Variants in DCC observed in about 807,000 individuals in gnomAD.
DCC encodes DCC netrin 1 receptor.
In DCC, 58 loss-of-function variants were observed where a neutral mutation model predicts 172.5. That is an observed-to-expected ratio of 0.34 (90% confidence interval 0.27 to 0.42). DCC has a LOEUF of 0.42. Among genes scored for constraint, DCC ranks in the 10% least tolerant of loss-of-function variants. The pLI is 1.00. For missense variants in DCC, 1,740 were observed against 1,791.0 expected (o/e 0.97, Z 0.51); for synonymous variants, 709 against 644.5 (o/e 1.10, Z -1.52).
Position 52,384,804 on chromosome 18 carries a change from A to G in DCC, c.91+43926A>G, listed in dbSNP as rs1444964203. On this transcript the variant is annotated intron_variant, in intron 1 of 28. Transcript: ENST00000442544. ...TTTGCATAGTCTATTCTGAAAATTA[A>G]ACTACTTCACTGCATTCATATTTGA... Among the ~76,000 whole-genome samples, 8 of 152,172 alleles carry G rather than the reference A, an allele frequency of 5.3e-5. No homozygotes were observed. The East Asian group carries it at 9.7e-4, about 18-fold the overall frequency.
intron 2 of DCC, among the ~76,000 whole-genome samples, chr18:52,850,379 C>T (rs998752909): frequency 3.9e-5 from 6 of 152,130 alleles, no homozygotes; most frequent in African/African-American, 1.4e-4. Context: ...ATTGAAGTCT[C>T]TCCCCCAACT....
At chr18:52,463,065 T>C (rs1039663224) in intron 1 of DCC, among the ~76,000 whole-genome samples, 45 of 152,202 alleles carry the variant, frequency 3.0e-4, no homozygotes, top group Admixed American at 2.4e-3. Context: ...ATTGTAGGCA[T>C]AGCATACTTA....
intron 21 of DCC, among the ~76,000 whole-genome samples, chr18:53,426,042 G>A (rs1338712812): frequency 6.6e-6 from 1 of 151,120 alleles, no homozygotes; most frequent in African/African-American, 2.4e-5. Context: ...TTTTTTCTAA[G>A]CTCATCCACC....
chr18:52,775,737 C>T (rs931513683), intron 2 of DCC, among the ~76,000 whole-genome samples: 2 of 152,208 alleles, frequency 1.3e-5, no homozygotes, highest in Non-Finnish European at 2.9e-5. Context: ...CGATGTGCTC[C>T]TCTTGACGTC....
chr18:52,682,841 T>C (rs2035772112), intron 1 of DCC, among the ~76,000 whole-genome samples: 1 of 152,026 alleles, frequency 6.6e-6, no homozygotes, highest in Admixed American at 6.6e-5. Context: ...GTGGGCCTCG[T>C]TTAAGGGTTT....
chr18:52,573,096 T>C (rs912958730), intron 1 of DCC, among the ~76,000 whole-genome samples: 3 of 152,206 alleles, frequency 2.0e-5, no homozygotes, highest in Non-Finnish European at 2.9e-5. Context: ...AGTTCACATA[T>C]ACCTTTAGAA....
At chr18:52,496,473 G>T (rs1455868450) in intron 1 of DCC, among the ~76,000 whole-genome samples, 1 of 152,088 alleles carries the variant, frequency 6.6e-6, no homozygotes, top group African/African-American at 2.4e-5. Context: ...GCCTTAAAAT[G>T]CCAGGTTTTA....
Position 52,547,803 on chromosome 18 carries a change from G to A in DCC, c.92-204251G>A, listed in dbSNP as rs553922257. Among the ~76,000 whole-genome samples the A allele has an allele frequency of 2.6e-4, 40 of 152,154 alleles. 1 individual carries two copies. Among genetic ancestry groups the A allele is most frequent in the Admixed American group, 1.8e-3 (27 of 15,274 alleles). ...ACCATAAATTACTAGGACAATCATC[G>A]GGACACATTTTTGGTAAAGGGCAGG... On this transcript the variant is annotated intron_variant, in intron 1 of 28. Coordinates refer to ENST00000442544, the MANE Select transcript of DCC (RefSeq NM_005215.4).
chr18:52,593,447 A>G (rs551864623), intron 1 of DCC, among the ~76,000 whole-genome samples: 1 of 152,264 alleles, frequency 6.6e-6, no homozygotes, highest in South Asian at 2.1e-4. Context: ...TAAAATGGAA[A>G]TGGGAAGAAA....
rs542052032 is a variant in DCC at position 53,507,951 on chromosome 18, T to C, written c.4111+8441T>C. On this transcript the variant is annotated intron_variant, in intron 27 of 28. Coordinates refer to ENST00000442544, the MANE Select transcript of DCC (RefSeq NM_005215.4). ...CTCTGTCACCCAGGCTGGAGTGCAG[T>C]GGTGCAATCTCTGCTCACTGCAAGC... is the stretch of plus-strand genomic sequence containing the variant. Among the ~76,000 whole-genome samples, 4 of 149,944 alleles carry C rather than the reference T, an allele frequency of 2.7e-5. No individual in the cohort carries two copies. The South Asian group carries it at 6.4e-4, about 24-fold the overall frequency.
At chr18:52,991,061 C>T (rs1313701011) in intron 5 of DCC, among the ~76,000 whole-genome samples, 1 of 152,154 alleles carries the variant, frequency 6.6e-6, no homozygotes, top group Non-Finnish European at 1.5e-5. Flanking sequence ...CAAGGATTTA[C>T]ATTAGTGCAG....
intron 21 of DCC, among the ~76,000 whole-genome samples, chr18:53,418,783 T>C (rs1246797722): frequency 6.6e-6 from 1 of 152,154 alleles, no homozygotes; most frequent in Non-Finnish European, 1.5e-5. Context: ...TCATTTGAAA[T>C]GGTTTTGATT....
intron 22 of DCC, among the ~76,000 whole-genome samples, chr18:53,444,712 A>T (rs8084281): frequency 0.074 from 11,227 of 152,266 alleles, 781 homozygotes; most frequent in African/African-American, 0.18. Flanking sequence ...GCTATTGCAC[A>T]CTTAATAGAC....
intron 1 of DCC, among the ~76,000 whole-genome samples, chr18:52,417,819 T>A (rs565911871): frequency 6.6e-6 from 1 of 152,326 alleles, no homozygotes; most frequent in Non-Finnish European, 1.5e-5. Context: ...TGGTTTGAAT[T>A]TCCTCCTGTA....
intron 1 of DCC, among the ~76,000 whole-genome samples, chr18:52,521,105 T>G (rs1234711306): frequency 1.3e-5 from 2 of 152,208 alleles, no homozygotes; most frequent in African/African-American, 4.8e-5. Context: ...TCGTATTCTT[T>G]TTCTCGCTTT....
chr18:53,136,213 A>ATCTATC (rs1488952479), intron 7 of DCC, among the ~76,000 whole-genome samples: 15 of 73,864 alleles, frequency 2.0e-4, no homozygotes, highest in East Asian at 7.9e-4. Flanking sequence ...ATCTATCTAT[A>ATCTATC]TATATATACA....
At chr18:52,647,782 T>G (rs2144916603) in intron 1 of DCC, among the ~76,000 whole-genome samples, 1 of 152,372 alleles carries the variant, frequency 6.6e-6, no homozygotes, top group East Asian at 1.9e-4. Flanking sequence ...AGTCACTAAC[T>G]TATTCAGTGA....
At chr18:53,483,220 A>G (rs890260372) in intron 25 of DCC, among the ~76,000 whole-genome samples, 5 of 151,668 alleles carry the variant, frequency 3.3e-5, no homozygotes, top group Non-Finnish European at 7.4e-5. Context: ...CTTTTTCTGG[A>G]GTCTGTTTAC....
intron 1 of DCC, among the ~76,000 whole-genome samples, chr18:52,437,359 T>C (rs1987830158): frequency 6.6e-6 from 1 of 152,140 alleles, no homozygotes; most frequent in African/African-American, 2.4e-5. Context: ...CTGGCAGTCT[T>C]GGCAATCCAA....
Sources: allele counts gnomAD v4.1 joint callset (sites outside exome capture counted in the v4.1 genomes callset), GRCh38; gene constraint gnomAD v4.1.1; transcripts MANE v1.5; gene names NCBI Gene and HGNC (gene_info 2026-07-23, HGNC 2026-07-21).